UNC13C: variants seen among roughly 807,000 people sequenced by gnomAD.
The protein encoded by UNC13C is protein unc-13 homolog C.
Under a neutral mutation model 245.4 loss-of-function variants are expected in UNC13C, and 174 were observed. That is an observed-to-expected ratio of 0.71 (90% CI 0.63 to 0.80). The LOEUF (loss-of-function observed/expected upper bound fraction) is 0.80, where lower values mean the gene tolerates loss of function less well. UNC13C is among the 30% of genes least tolerant of loss of function. UNC13C has a pLI of 0.00. For missense variants in UNC13C, 2,829 were observed against 2,602.9 expected (o/e 1.09, Z -1.89); for synonymous variants, 992 against 895.1 (o/e 1.11, Z -1.93).
intron 1 of UNC13C, among the ~76,000 whole-genome samples, chr15:54,010,741 T>C (rs190258810): frequency 3.9e-5 from 6 of 152,262 alleles, no homozygotes; most frequent in African/African-American, 1.4e-4. Flanking sequence ...TCGGATACAA[T>C]TGCCATAGTC....
chr15:54,381,820 A>G (rs1227444383), intron 17 of UNC13C, among the ~76,000 whole-genome samples: 2 of 152,180 alleles, frequency 1.3e-5, no homozygotes, highest in Non-Finnish European at 2.9e-5. Flanking sequence ...AGATTTCAAC[A>G]TCCTACTCTC....
At chr15:53,946,324 G>A in the UNC13C span, among the ~76,000 whole-genome samples, 1 of 152,030 alleles carries the variant, frequency 6.6e-6, no homozygotes, top group Non-Finnish European at 1.5e-5. Context: ...TTTTCAAGGG[G>A]AATGCTTCCA....
intron 11 of UNC13C, among the ~76,000 whole-genome samples, chr15:54,295,835 C>T (rs2037415292): frequency 6.6e-6 from 1 of 152,136 alleles, no homozygotes; most frequent in South Asian, 2.1e-4. Flanking sequence ...TAAGTCTTTA[C>T]CTACCCACCC....
chr15:54,207,097 G>A (rs1431274719), intron 4 of UNC13C, among the ~76,000 whole-genome samples: 3 of 151,328 alleles, frequency 2.0e-5, no homozygotes, highest in African/African-American at 7.3e-5. Flanking sequence ...AGGTAGCAGT[G>A]GCACTTTATT....
At chr15:54,393,003 C>T in intron 17 of UNC13C, 45 bp from the exon 18 acceptor site, 1 of 1,473,034 alleles carries the variant, frequency 6.8e-7, no homozygotes, top group Non-Finnish European at 9.0e-7. Context: ...CTAAAGTCAT[C>T]CCATTTAACC....
intron 27 of UNC13C, among the ~76,000 whole-genome samples, chr15:54,548,005 G>A (rs893359224): frequency 3.3e-5 from 5 of 151,886 alleles, no homozygotes; most frequent in African/African-American, 1.2e-4. Context: ...TCTCACCTTG[G>A]CTACTTCACA....
intron 2 of UNC13C, among the ~76,000 whole-genome samples, chr15:54,096,229 A>G (rs1899854045): frequency 6.6e-6 from 1 of 152,186 alleles, no homozygotes; most frequent in Non-Finnish European, 1.5e-5. Context: ...GAAGCTTAAA[A>G]TATGGCTGGT....
At chr15:54,247,572 C>G (rs2036027792) in intron 7 of UNC13C, among the ~76,000 whole-genome samples, 1 of 151,770 alleles carries the variant, frequency 6.6e-6, no homozygotes, top group African/African-American at 2.4e-5. Flanking sequence ...GCCCATACCC[C>G]CGAAAGTCAA....
At chr15:54,542,652 C>G (rs8036177) in intron 26 of UNC13C, among the ~76,000 whole-genome samples, 2,134 of 152,220 alleles carry the variant, frequency 0.014, 52 homozygotes, top group African/African-American at 0.045. Flanking sequence ...TTGTAGGTCT[C>G]TAAGAACTTG....
intron 2 of UNC13C, among the ~76,000 whole-genome samples, chr15:54,118,047 T>C (rs554217933): frequency 3.9e-5 from 6 of 152,244 alleles, no homozygotes; most frequent in South Asian, 2.1e-4. Flanking sequence ...TTGGTTACTA[T>C]AGTTTTATAG....
intron 2 of UNC13C, among the ~76,000 whole-genome samples, chr15:54,123,347 G>A (rs924177880): frequency 6.6e-6 from 1 of 151,196 alleles, no homozygotes; most frequent in African/African-American, 2.4e-5. Flanking sequence ...ATCTATGTGT[G>A]TTTATATATA....
chr15:54,053,104 A>G (rs972254284), intron 2 of UNC13C, among the ~76,000 whole-genome samples: 2 of 152,184 alleles, frequency 1.3e-5, no homozygotes, highest in African/African-American at 4.8e-5. Flanking sequence ...TGTTCAAATA[A>G]TTCTCCTGGC....
chr15:53,915,244 G>A, the UNC13C span, among the ~76,000 whole-genome samples: 1 of 152,202 alleles, frequency 6.6e-6, no homozygotes, highest in Non-Finnish European at 1.5e-5. Context: ...TGTCCTATGT[G>A]TCCTCAGAAA....
At chr15:54,139,816 C>A (rs186491914) in intron 2 of UNC13C, among the ~76,000 whole-genome samples, 1 of 152,064 alleles carries the variant, frequency 6.6e-6, no homozygotes, top group African/African-American at 2.4e-5. Flanking sequence ...ACTTGTCTTT[C>A]TTCCTTTAAC....
At chr15:54,322,200 CATTTTAGGGAA>C in intron 14 of UNC13C, 105 bp downstream of exon 14, 1 of 1,148,414 alleles carries the variant, frequency 8.7e-7, no homozygotes, top group Non-Finnish European at 1.2e-6. Context: ...GCAGAAAGGA[CATTTTAGGGAA>C]TAGCGTAATG....
Position 54,342,273 on chromosome 15 carries a change from T to A in UNC13C, c.4713+3784T>A, listed in dbSNP as rs563748876. 5.1e-4 allele frequency among the ~76,000 whole-genome samples: 77 copies of A among 152,316 alleles called. 1 individual carries two copies. In the South Asian group the frequency reaches 0.013, roughly 25 times the overall value. ...AGATTATTTCCCTCTTGATGACACA[T>A]CTTTTTGTTATATTGAAGTTTTCTA... On this transcript the variant is annotated intron_variant, in intron 17 of 32. Coordinates refer to ENST00000260323, the MANE Select transcript of UNC13C (RefSeq NM_001080534.3).
chr15:54,369,198 C>CA (rs1168537507), intron 17 of UNC13C, among the ~76,000 whole-genome samples: 4 of 149,614 alleles, frequency 2.7e-5, no homozygotes, highest in African/African-American at 1.0e-4. Context: ...ACCTCCCCCC[C>CA]CCAAAAAAAA....
intron 2 of UNC13C, among the ~76,000 whole-genome samples, chr15:54,136,600 G>C (rs889441716): frequency 2.0e-5 from 3 of 152,042 alleles, no homozygotes; most frequent in Admixed American, 6.6e-5. Context: ...GAAACGATGA[G>C]AGTGGGAGCC....
intron 16 of UNC13C, among the ~76,000 whole-genome samples, chr15:54,334,864 A>G (rs1484526202): frequency 6.6e-6 from 1 of 152,130 alleles, no homozygotes; most frequent in Non-Finnish European, 1.5e-5. Flanking sequence ...AGGGTGTGCC[A>G]GCACAGTGCT....
Sources: allele counts gnomAD v4.1 joint callset (sites outside exome capture counted in the v4.1 genomes callset), GRCh38; gene constraint gnomAD v4.1.1; transcripts MANE v1.5; gene names NCBI Gene and HGNC (gene_info 2026-07-23, HGNC 2026-07-21).